Variants in PAPPA observed in about 807,000 individuals in gnomAD.
PAPPA encodes the protein pappalysin 1, also known as pappalysin-1.
Under a neutral mutation model 164.0 loss-of-function variants are expected in PAPPA, and 60 were observed. The observed-to-expected ratio is 0.37, with a 90% CI of 0.30 to 0.45. The LOEUF (loss-of-function observed/expected upper bound fraction) is 0.45, where lower values mean the gene tolerates loss of function less well. Among genes scored for constraint, PAPPA ranks in the 20% least tolerant of loss-of-function variants. The pLI is 1.00. For missense variants in PAPPA, 1,782 were observed against 2,087.3 expected, an observed-to-expected ratio of 0.85 and a Z score of 2.85; for synonymous variants, 875 against 814.1, an observed-to-expected ratio of 1.07 and a Z score of -1.27.
intron 5 of PAPPA, among the ~76,000 whole-genome samples, chr9:116,222,262 C>T (rs908175103): frequency 6.6e-6 from 1 of 152,120 alleles, no homozygotes; most frequent in African/African-American, 2.4e-5. Context: ...ATGTGGTGTA[C>T]AGATGGTCTC....
At chr9:116,353,962 T>A (rs958571013) in intron 17 of PAPPA, among the ~76,000 whole-genome samples, 169 bp downstream of exon 17, 2 of 152,222 alleles carry the variant, frequency 1.3e-5, no homozygotes, top group Non-Finnish European at 2.9e-5. Flanking sequence ...GCTTTGAATT[T>A]TTTTTTAAGC....
chr9:116,261,971 G>A (rs1327507734), intron 7 of PAPPA, among the ~76,000 whole-genome samples: 1 of 152,000 alleles, frequency 6.6e-6, no homozygotes, highest in Non-Finnish European at 1.5e-5. Context: ...CCAGCACTTT[G>A]GGAGGCCGAG....
chr9:116,154,629 G>A lies in PAPPA; in HGVS notation c.415+42G>A, dbSNP rs1384863281. ...CGGCGGGCGCTGCACCGTCCCTGCG[G>A]CCCCAGAGGCTCGCGGGTGTCTGGG... On this transcript the variant is annotated intron_variant, in intron 1 of 21. Coordinates refer to ENST00000328252, the MANE Select transcript of PAPPA (RefSeq NM_002581.5). This position sits in a 1 kb window ranked among gnomAD's most constrained non-coding sequence, Gnocchi z 5.2. The A allele has an allele frequency of 7.8e-7, 1 of 1,284,594 alleles. No homozygotes were observed. Among genetic ancestry groups the A allele is most frequent in the Non-Finnish European group, 9.9e-7 (1 of 1,014,768 alleles). 79.6% of individuals were successfully genotyped at this position (1,284,594 alleles called of 1,614,324 possible). A position where few individuals can be genotyped will look rare whatever the true frequency, so the allele number is the denominator to read the frequency against.
chr9:116,357,408 G>C (rs1846368146), intron 17 of PAPPA, among the ~76,000 whole-genome samples: 3 of 152,156 alleles, frequency 2.0e-5, no homozygotes, highest in African/African-American at 7.2e-5. Context: ...GTTTTTGAGT[G>C]TCAAATGTGT....
At chr9:116,232,036 G>A (rs1271195677) in intron 6 of PAPPA, among the ~76,000 whole-genome samples, 2 of 152,090 alleles carry the variant, frequency 1.3e-5, no homozygotes, top group African/African-American at 2.4e-5. Context: ...TTACAGGCAT[G>A]AGCCACCGCA....
intron 21 of PAPPA, among the ~76,000 whole-genome samples, chr9:116,384,248 A>C (rs1846772454): frequency 6.9e-6 from 1 of 144,446 alleles, no homozygotes; most frequent in Non-Finnish European, 1.5e-5. Context: ...CAACACAGGC[A>C]GACCCTTGTC....
chr9:116,193,167 C>A (rs1038630252), intron 2 of PAPPA, among the ~76,000 whole-genome samples: 1 of 151,968 alleles, frequency 6.6e-6, no homozygotes, highest in Non-Finnish European at 1.5e-5. Flanking sequence ...CAAGGACAAT[C>A]CCCTGAGGCC....
intron 1 of PAPPA, among the ~76,000 whole-genome samples, chr9:116,163,729 G>A (rs1000078477): frequency 6.6e-6 from 1 of 151,990 alleles, no homozygotes; most frequent in Non-Finnish European, 1.5e-5. Context: ...ACACATTTTC[G>A]GCTTCCACAC....
At chr9:116,325,650 A>T (rs1249619395) in intron 10 of PAPPA, among the ~76,000 whole-genome samples, 1 of 152,188 alleles carries the variant, frequency 6.6e-6, no homozygotes, top group East Asian at 1.9e-4. Context: ...AGAAGCAGTC[A>T]TCTGCCCAGC....
At chr9:116,221,824 A>T (rs1844450191) in intron 5 of PAPPA, among the ~76,000 whole-genome samples, 2 of 152,260 alleles carry the variant, frequency 1.3e-5, no homozygotes, top group Admixed American at 1.3e-4. Context: ...GGACCTAAAT[A>T]GACACTTCAA....
In PAPPA at chr9:116,353,242, A is replaced by G. The variant is rs1383952523; in HGVS notation, c.4175+326A>G. ...GTAAGGTTGTTATGAAGAACAAATG[A>G]AGATGTGCATGTAAAGTGCTCACAA... On this transcript the variant is annotated intron_variant, in intron 16 of 21. Coordinates refer to ENST00000328252, the MANE Select transcript of PAPPA (RefSeq NM_002581.5). 3.3e-5 allele frequency among the ~76,000 whole-genome samples: 5 copies of G among 152,204 alleles called. No individual in the cohort carries two copies. In the East Asian group the frequency reaches 5.8e-4, roughly 18 times the overall value.
intron 10 of PAPPA, among the ~76,000 whole-genome samples, chr9:116,322,771 TG>T (rs1171716260): frequency 2.7e-5 from 4 of 147,906 alleles, no homozygotes; most frequent in Non-Finnish European, 4.6e-5. Flanking sequence ...TGAGAAACAC[TG>T]GCTGGCTGTG....
intron 10 of PAPPA, among the ~76,000 whole-genome samples, chr9:116,312,288 C>CTT (rs5900201): frequency 0.012 from 1,574 of 129,576 alleles, 27 homozygotes; most frequent in African/African-American, 0.031. Flanking sequence ...TTCTTTCTTT[C>CTT]TTTTTTTTTT....
chr9:116,315,146 C>T (rs138757113), intron 10 of PAPPA, among the ~76,000 whole-genome samples: 8 of 152,240 alleles, frequency 5.3e-5, no homozygotes, highest in East Asian at 3.9e-4. Context: ...CTTATGTTTC[C>T]GGATTACAGC....
At chr9:116,287,670 A>G (rs1373710653) in intron 9 of PAPPA, 1 of 152,204 alleles carries the variant, frequency 6.6e-6, no homozygotes, top group African/African-American at 2.4e-5. Context: ...CTTTGTTAGA[A>G]GAGTTTTCCA....
At chr9:116,288,380 A>G (rs962742229) in intron 9 of PAPPA, among the ~76,000 whole-genome samples, 1 of 151,988 alleles carries the variant, frequency 6.6e-6, no homozygotes, top group Admixed American at 6.5e-5. Flanking sequence ...GTGTCAAAAA[A>G]AGAAAAAGAG....
intron 17 of PAPPA, among the ~76,000 whole-genome samples, chr9:116,361,496 A>G (rs1021778919): frequency 3.9e-5 from 6 of 152,162 alleles, no homozygotes; most frequent in African/African-American, 1.2e-4. Context: ...TCCAGCACAC[A>G]CGATATTTTT....
In PAPPA at chr9:116,353,697, A is replaced by C; in HGVS notation, c.4251A>C (p.Pro1417=). The C allele has an allele frequency of 6.2e-7, 1 of 1,613,984 alleles. No individual in the cohort carries two copies. Among genetic ancestry groups the C allele is most frequent in the Non-Finnish European group, 8.5e-7 (1 of 1,179,968 alleles). ...EGACVPVTCD[P]PPPKFHGLYQ... is the part of the protein sequence containing the mutation. ...CTTGTGTTCCTGTGACCTGTGACCC[A>C]CCTCCACCAAAATTCCATGGGCTCT... The change falls in exon 17 of 22, where the codon CCA becomes CCC. Residue 1417 remains proline (P), a synonymous_variant. Coordinates refer to ENST00000328252, the MANE Select transcript of PAPPA (RefSeq NM_002581.5).
chr9:116,159,689 A>T (rs1295358205), intron 1 of PAPPA, among the ~76,000 whole-genome samples: 1 of 152,146 alleles, frequency 6.6e-6, no homozygotes, highest in African/African-American at 2.4e-5. Context: ...TTGAGCTGCC[A>T]CTCAGTGAAC....
Sources: allele counts gnomAD v4.1 joint callset (sites outside exome capture counted in the v4.1 genomes callset), GRCh38; gene constraint gnomAD v4.1.1; non-coding constraint Gnocchi (gnomAD v3.1); transcripts MANE v1.5; gene names NCBI Gene and HGNC (gene_info 2026-07-23, HGNC 2026-07-21).